KCNC2: variants seen among roughly 807,000 people sequenced by gnomAD.
KCNC2 encodes potassium voltage-gated channel subfamily C member 2.
Under a neutral mutation model 44.5 loss-of-function variants are expected in KCNC2, and 21 were observed. The ratio of observed to expected loss-of-function variants is 0.47; its 90% CI spans 0.33 to 0.68. The LOEUF (loss-of-function observed/expected upper bound fraction) is 0.68. Ranked by LOEUF, KCNC2 falls within the 30% of genes least tolerant of loss-of-function variation. The probability of loss-of-function intolerance (pLI) is 0.01; values close to 1 mark genes in which losing one functional copy is unlikely to be tolerated. For missense variants in KCNC2, 589 were observed against 826.2 expected, an observed-to-expected ratio of 0.71 and a Z score of 3.52; for synonymous variants, 391 against 339.1, an observed-to-expected ratio of 1.15 and a Z score of -1.68.
chr12:75,120,758 T>C (rs1053799667), intron 2 of KCNC2, among the ~76,000 whole-genome samples: 1 of 152,166 alleles, frequency 6.6e-6, no homozygotes, highest in African/African-American at 2.4e-5. Flanking sequence ...GATATGGGAA[T>C]TATTTGAGAG....
intron 2 of KCNC2, among the ~76,000 whole-genome samples, chr12:75,172,374 C>T (rs1489017306): frequency 1.3e-5 from 2 of 151,744 alleles, no homozygotes; most frequent in Non-Finnish European, 2.9e-5. Flanking sequence ...CTAATGGATG[C>T]TGGCCTTAAA....
At chr12:75,056,221 G>C (rs12296973) in intron 2 of KCNC2, among the ~76,000 whole-genome samples, 4,908 of 151,962 alleles carry the variant, frequency 0.032, 238 homozygotes, top group African/African-American at 0.11. Flanking sequence ...AATTCCACTG[G>C]AGCCAACACA....
chr12:75,125,977 C>A (rs1888392102), intron 2 of KCNC2, among the ~76,000 whole-genome samples: 1 of 152,090 alleles, frequency 6.6e-6, no homozygotes, highest in Non-Finnish European at 1.5e-5. Flanking sequence ...TATATTATCT[C>A]ATTTTTTATA....
At chr12:75,047,847 C>T (rs1174981920) in intron 4 of KCNC2, among the ~76,000 whole-genome samples, 1 of 151,920 alleles carries the variant, frequency 6.6e-6, no homozygotes, top group Non-Finnish European at 1.5e-5. Context: ...CTGCAGAGTA[C>T]ATTATATTAA....
At chr12:75,174,194 A>AT (rs1039262049) in intron 2 of KCNC2, among the ~76,000 whole-genome samples, 2 of 150,686 alleles carry the variant, frequency 1.3e-5, no homozygotes, top group Non-Finnish European at 3.0e-5. Flanking sequence ...TATACCATGT[A>AT]TTTTTTACAC....
At chr12:75,077,145 C>T (rs1451511092) in intron 2 of KCNC2, among the ~76,000 whole-genome samples, 1 of 152,092 alleles carries the variant, frequency 6.6e-6, no homozygotes, top group East Asian at 1.9e-4. Context: ...ATTTATTTAA[C>T]AATATTCCCT....
At chr12:75,110,675 A>AT (rs1174526603) in intron 2 of KCNC2, among the ~76,000 whole-genome samples, 1 of 152,154 alleles carries the variant, frequency 6.6e-6, no homozygotes, top group Non-Finnish European at 1.5e-5. Flanking sequence ...AGCAATTGAT[A>AT]TGTGGTGTTC....
intron 2 of KCNC2, among the ~76,000 whole-genome samples, chr12:75,125,883 T>A (rs1888383538): frequency 6.6e-6 from 1 of 152,232 alleles, no homozygotes; most frequent in African/African-American, 2.4e-5. Context: ...CTCTCTCACC[T>A]AGGCTCATCC....
intron 2 of KCNC2, among the ~76,000 whole-genome samples, chr12:75,200,497 T>C (rs1367512719): frequency 2.6e-5 from 4 of 151,814 alleles, no homozygotes; most frequent in Admixed American, 6.6e-5. Context: ...CTTAAAGCCA[T>C]ATTCCCACAA....
At chr12:75,146,015 G>A (rs375312314) in intron 2 of KCNC2, among the ~76,000 whole-genome samples, 7 of 149,166 alleles carry the variant, frequency 4.7e-5, no homozygotes, top group South Asian at 2.1e-4. Flanking sequence ...GTGCAGTGGC[G>A]CGATCTCTGT....
Position 75,207,252 on chromosome 12 carries a change from T to G in KCNC2, c.687+45A>C. 6.6e-7 allele frequency: 1 copy of G among 1,505,590 alleles called. No homozygotes were observed. The highest frequency in any genetic ancestry group is 8.8e-7 in the Non-Finnish European group (1 of 1,130,310). 93.3% of individuals were successfully genotyped at this position (1,505,590 alleles called of 1,614,324 possible). Reference sequence around the variant, plus strand: ...AAGAACAGAAAGTTGGGGAGGGAGTTGGGAGAAGTTGAAGCAGCAGGGAAG... The same window carrying G: ...AAGAACAGAAAGTTGGGGAGGGAGTGGGGAGAAGTTGAAGCAGCAGGGAAG... On this transcript the variant is annotated intron_variant, in intron 2 of 4. Coordinates refer to ENST00000549446, the MANE Select transcript of KCNC2 (RefSeq NM_139137.4). The surrounding 1 kb of genome is among the most constrained non-coding windows in gnomAD (Gnocchi z 4.1).
At chr12:75,059,644 C>T (rs1289804459) in intron 2 of KCNC2, among the ~76,000 whole-genome samples, 1 of 152,018 alleles carries the variant, frequency 6.6e-6, no homozygotes, top group Non-Finnish European at 1.5e-5. Context: ...ATAGGTGTCT[C>T]CTAGCCTTTT....
At chr12:75,171,117 T>C (rs951016321) in intron 2 of KCNC2, among the ~76,000 whole-genome samples, 2 of 151,782 alleles carry the variant, frequency 1.3e-5, no homozygotes, top group South Asian at 4.2e-4. Flanking sequence ...TTTCTGTATC[T>C]GACCTCTAGA....
chr12:75,097,560 GTAAA>G (rs1329508416), intron 2 of KCNC2, among the ~76,000 whole-genome samples: 3 of 151,998 alleles, frequency 2.0e-5, no homozygotes, highest in South Asian at 4.1e-4. Flanking sequence ...ATCTAAACTG[GTAAA>G]TAAATAAAGG....
chr12:75,053,721 C>G (rs1592765308), intron 2 of KCNC2, among the ~76,000 whole-genome samples: 2 of 147,354 alleles, frequency 1.4e-5, no homozygotes, highest in East Asian at 3.9e-4. Context: ...TTTTATTTTC[C>G]TATTATAGTA....
At chr12:75,068,665 T>C (rs1185091880) in intron 2 of KCNC2, among the ~76,000 whole-genome samples, 4 of 152,128 alleles carry the variant, frequency 2.6e-5, no homozygotes, top group African/African-American at 7.2e-5. Context: ...AAAAAAGGGA[T>C]TTGAGGAGTT....
rs535546419 is a variant in KCNC2 at position 75,139,697 on chromosome 12, A to G, written c.687+67600T>C. Among the ~76,000 whole-genome samples, 4 of 152,364 alleles carry G rather than the reference A, an allele frequency of 2.6e-5. No homozygotes were observed. In the South Asian group the frequency reaches 6.2e-4, roughly 24 times the overall value. On this transcript the variant is annotated intron_variant, in intron 2 of 4. Transcript: ENST00000549446. ...ATATGCTAAAGCCATGTTTTCAACT[A>G]TAAAATAAAATAATAGTTGACTTTG... is the stretch of plus-strand genomic sequence containing the variant.
intron 2 of KCNC2, among the ~76,000 whole-genome samples, chr12:75,064,088 T>C (rs924634723): frequency 6.6e-6 from 1 of 152,070 alleles, no homozygotes; most frequent in African/African-American, 2.4e-5. Flanking sequence ...TTTCATTGGG[T>C]TTGAAAATTG....
rs150069725 is a variant in KCNC2 at position 75,093,784 on chromosome 12, G to A, written c.688-42467C>T. Among the ~76,000 whole-genome samples, 593 of 151,556 alleles carry A rather than the reference G, an allele frequency of 3.9e-3. 3 individuals are homozygous for A. The highest frequency in any genetic ancestry group is 0.013 in the African/African-American group (551 of 41,434). On this transcript the variant is annotated intron_variant, in intron 2 of 4. Coordinates refer to ENST00000549446, the MANE Select transcript of KCNC2 (RefSeq NM_139137.4). ...GATTCAAGGTTTTCAAAAATATTAG[G>A]ACTAAAATCTTTATTATTTTCAATT...
Sources: gnomAD v4.1 joint callset for allele counts (sites outside exome capture counted in the v4.1 genomes callset) on GRCh38, gnomAD v4.1.1 for gene constraint, Gnocchi (gnomAD v3.1) non-coding constraint, MANE v1.5 for transcripts, NCBI Gene and HGNC (gene_info 2026-07-23, HGNC 2026-07-21) for gene names.